Variants in AZIN2 observed in about 807,000 individuals in gnomAD.
AZIN2 encodes ODC antizyme inhibitor-2.
In AZIN2, 28 loss-of-function variants were observed where a neutral mutation model predicts 47.8. The ratio of observed to expected loss-of-function variants is 0.59; its 90% CI spans 0.43 to 0.80. The LOEUF is 0.80. Ranked by LOEUF, AZIN2 falls within the 30% of genes least tolerant of loss-of-function variation. AZIN2 has a pLI of 0.00. For missense variants in AZIN2, 535 were observed against 582.5 expected (o/e 0.92, Z 0.84); for synonymous variants, 221 against 239.4 (o/e 0.92, Z 0.71).
At chr1:33,109,053 A>G (rs1169221504) in intron 10 of AZIN2, among the ~76,000 whole-genome samples, 1 of 152,154 alleles carries the variant, frequency 6.6e-6, no homozygotes. Context: ...AGTGTTCTGA[A>G]TTTTGGCCAT....
the AZIN2 span, among the ~76,000 whole-genome samples, chr1:33,134,101 A>G: frequency 2.6e-4 from 40 of 152,276 alleles, no homozygotes; most frequent in African/African-American, 8.9e-4. Flanking sequence ...CATGCTATCC[A>G]TGTGCTTCCC....
the AZIN2 span, among the ~76,000 whole-genome samples, chr1:33,160,272 G>T: frequency 2.0e-5 from 3 of 152,150 alleles, no homozygotes; most frequent in Non-Finnish European, 4.4e-5. Context: ...GTACAGAAGA[G>T]AAAGGAGCTG....
Position 33,081,881 on chromosome 1 carries a change from A to C in AZIN2, c.-73+69A>C. The C allele has an allele frequency of 3.7e-6, 1 of 267,418 alleles. No homozygotes were observed. Among genetic ancestry groups the C allele is most frequent in the Non-Finnish European group, 7.4e-6 (1 of 135,524 alleles). The allele number at this position is 267,418 out of a possible 1,614,324, so 16.6% of individuals were successfully genotyped here. On this transcript the variant is annotated intron_variant, in intron 3 of 11. Coordinates refer to ENST00000294517, the MANE Select transcript of AZIN2 (RefSeq NM_052998.4). This position sits in a 1 kb window ranked among gnomAD's most constrained non-coding sequence, Gnocchi z 4.2. ...CCAAGTTTCTCAGATTTTCTGTTCC[A>C]TCTCTCTCTCACTCTTTCCTGAAAT...
the AZIN2 span, among the ~76,000 whole-genome samples, chr1:33,136,909 A>G: frequency 6.6e-6 from 1 of 151,610 alleles, no homozygotes; most frequent in African/African-American, 2.4e-5. Context: ...AGACAGGATA[A>G]TTGCTTGAAC....
the AZIN2 span, chr1:33,159,760 T>C: frequency 6.2e-7 from 1 of 1,613,594 alleles, no homozygotes; most frequent in Non-Finnish European, 8.5e-7. This position sits in a 1 kb window ranked among gnomAD's most constrained non-coding sequence, Gnocchi z 4.2. Context: ...CTGCAGGATC[T>C]GGGCTCCCTC....
At chr1:33,112,693 T>C (rs888473238) in intron 10 of AZIN2, among the ~76,000 whole-genome samples, 5 of 152,230 alleles carry the variant, frequency 3.3e-5, no homozygotes, top group African/African-American at 4.8e-5. Context: ...CATTTTATTG[T>C]CATTCGTTAT....
the AZIN2 span, among the ~76,000 whole-genome samples, chr1:33,157,698 C>T: frequency 6.6e-6 from 1 of 151,900 alleles, no homozygotes; most frequent in African/African-American, 2.4e-5. Context: ...AGTGTCCAGG[C>T]CTCAGTCATT....
the AZIN2 span, among the ~76,000 whole-genome samples, chr1:33,160,684 C>T: frequency 1.1e-4 from 17 of 152,226 alleles, no homozygotes; most frequent in African/African-American, 3.9e-4. Context: ...GGATTACAGG[C>T]GTGAGCCATC....
At chr1:33,126,720 A>G (rs193097740), downstream of AZIN2, among the ~76,000 whole-genome samples, 44 of 152,312 alleles carry the variant, frequency 2.9e-4, no homozygotes, top group East Asian at 6.9e-3. Flanking sequence ...GACCCCCCCA[A>G]TAGCGCTTTC....
chr1:33,093,087 A>G (rs1032006607), intron 6 of AZIN2, among the ~76,000 whole-genome samples, 195 bp from the exon 7 acceptor site: 4 of 152,130 alleles, frequency 2.6e-5, no homozygotes, highest in Admixed American at 2.0e-4. Flanking sequence ...GGCTGCAGGA[A>G]TGGGTCAGGG....
At chr1:33,095,916 C>T (rs1002637163) in intron 8 of AZIN2, among the ~76,000 whole-genome samples, 2 of 152,198 alleles carry the variant, frequency 1.3e-5, no homozygotes, top group Non-Finnish European at 2.9e-5. Context: ...TGGCTCACTG[C>T]AACCTCCGTC....
the AZIN2 span, among the ~76,000 whole-genome samples, chr1:33,138,733 T>G: frequency 6.6e-6 from 1 of 152,332 alleles, no homozygotes; most frequent in African/African-American, 2.4e-5. Context: ...TTTTTTTCCT[T>G]TGTGTCTTGT....
the AZIN2 span, among the ~76,000 whole-genome samples, chr1:33,149,302 G>A: frequency 3.9e-5 from 6 of 152,060 alleles, no homozygotes; most frequent in Admixed American, 6.6e-5. Flanking sequence ...ATAGGCACGC[G>A]CCACCACGCC....
At chr1:33,112,468 A>C (rs1226340271) in intron 10 of AZIN2, among the ~76,000 whole-genome samples, 1 of 152,196 alleles carries the variant, frequency 6.6e-6, no homozygotes, top group Non-Finnish European at 1.5e-5. Flanking sequence ...ATTTATATAA[A>C]TCTCAAAAGT....
At chr1:33,143,430 C>T in the AZIN2 span, among the ~76,000 whole-genome samples, 2 of 152,164 alleles carry the variant, frequency 1.3e-5, no homozygotes, top group Non-Finnish European at 2.9e-5. Flanking sequence ...GGTTTTAGAG[C>T]AGTCACAGGG....
Position 33,121,205 on chromosome 1 carries a change from A to T in AZIN2, c.*1023A>T, listed in dbSNP as rs889607920. ...CCTCAGTGGCTGCAGGGGACTCTAA[A>T]TATTTTTCTGCTGCAATTAAAAGAT... On this transcript the variant is annotated 3_prime_UTR_variant, in exon 12 of 12. Coordinates refer to ENST00000294517, the MANE Select transcript of AZIN2 (RefSeq NM_052998.4). Among the ~76,000 whole-genome samples, 57 of 152,316 alleles carry T rather than the reference A, an allele frequency of 3.7e-4. No homozygotes were observed. Among genetic ancestry groups the T allele is most frequent in the African/African-American group, 1.3e-3 (56 of 41,574 alleles).
chr1:33,085,279 T>C (rs1448505747), intron 5 of AZIN2, among the ~76,000 whole-genome samples: 1 of 150,612 alleles, frequency 6.6e-6, no homozygotes, highest in Non-Finnish European at 1.5e-5. Flanking sequence ...GTATTTTAGA[T>C]GGAAAATGCT....
intron 6 of AZIN2, 125 bp from the exon 7 acceptor site, chr1:33,093,157 G>A (rs996499057): frequency 1.6e-6 from 2 of 1,256,444 alleles, no homozygotes; most frequent in Non-Finnish European, 2.2e-6. Flanking sequence ...GGGAGAGGGA[G>A]GGGTCAGGGA....
At chr1:33,137,805 TGGCCAC>T in the AZIN2 span, among the ~76,000 whole-genome samples, 1 of 152,270 alleles carries the variant, frequency 6.6e-6, no homozygotes, top group South Asian at 2.1e-4. Flanking sequence ...GAGGGAAAGC[TGGCCAC>T]GGTACAAGGG....
Sources: gnomAD v4.1 joint callset for allele counts (sites outside exome capture counted in the v4.1 genomes callset) on GRCh38, gnomAD v4.1.1 for gene constraint, Gnocchi (gnomAD v3.1) non-coding constraint, MANE v1.5 for transcripts, NCBI Gene and HGNC (gene_info 2026-07-23, HGNC 2026-07-21) for gene names.